Variants in TNFSF4 observed in about 807,000 individuals in gnomAD.
TNFSF4 encodes TNF superfamily member 4.
TNFSF4 carries 4 observed loss-of-function variants against 7.3 expected under a neutral mutation model. The ratio of observed to expected loss-of-function variants is 0.55; its 90% confidence interval spans 0.27 to 1.25. The LOEUF (loss-of-function observed/expected upper bound fraction) is 1.25, where lower values mean the gene tolerates loss of function less well. TNFSF4 is among the 50% of genes most tolerant of loss of function. The pLI is 0.12. For missense variants in TNFSF4, 181 were observed against 208.8 expected (o/e 0.87, Z 0.82); for synonymous variants, 76 against 83.7 (o/e 0.91, Z 0.50).
the TNFSF4 span, among the ~76,000 whole-genome samples, chr1:173,318,419 C>A: frequency 6.6e-6 from 1 of 152,140 alleles, no homozygotes; most frequent in Non-Finnish European, 1.5e-5. Flanking sequence ...TCCTTCCTCC[C>A]TGAACAATTC....
the TNFSF4 span, among the ~76,000 whole-genome samples, chr1:173,224,440 G>A: frequency 5.3e-5 from 8 of 152,228 alleles, no homozygotes; most frequent in South Asian, 1.5e-3. Context: ...TGTCTGAAAC[G>A]AAAACACTTA....
the TNFSF4 span, among the ~76,000 whole-genome samples, chr1:173,245,373 C>T: frequency 2.0e-5 from 3 of 152,094 alleles, no homozygotes; most frequent in Non-Finnish European, 4.4e-5. Context: ...TTCCAGGTTC[C>T]CTTGCTTTCG....
At chr1:173,284,453 C>A in the TNFSF4 span, among the ~76,000 whole-genome samples, 4 of 152,138 alleles carry the variant, frequency 2.6e-5, no homozygotes, top group Admixed American at 1.3e-4. Flanking sequence ...CTAGGTAAGA[C>A]AATTGATAAA....
At chr1:173,334,263 C>T in the TNFSF4 span, among the ~76,000 whole-genome samples, 1 of 152,012 alleles carries the variant, frequency 6.6e-6, no homozygotes, top group South Asian at 2.1e-4. Flanking sequence ...CATAATCTGG[C>T]AATAGGGAGA....
rs955553501 is a variant in TNFSF4, at chr1:173,184,873, C to T, written c.*1643G>A. 1.3e-5 allele frequency: 2 copies of T among 152,144 alleles called. No homozygotes were observed. The highest frequency in any genetic ancestry group is 4.8e-5 in the African/African-American group (2 of 41,402). The allele number at this position is 152,144 out of a possible 1,614,324, so 9.4% of individuals were successfully genotyped here. On this transcript the variant is annotated 3_prime_UTR_variant, in exon 3 of 3. Transcript: ENST00000281834. ...AGCCATGATTATGATTCTGTGAGTG[C>T]CTTGGCAGCCACTCAGAACTTGATT... is the stretch of plus-strand genomic sequence containing the variant.
At chr1:173,250,723 T>C in the TNFSF4 span, among the ~76,000 whole-genome samples, 2 of 151,978 alleles carry the variant, frequency 1.3e-5, no homozygotes, top group Non-Finnish European at 2.9e-5. Flanking sequence ...CCTCCCAAAG[T>C]GCTGGGATTA....
At chr1:173,234,392 C>A in the TNFSF4 span, among the ~76,000 whole-genome samples, 1 of 152,094 alleles carries the variant, frequency 6.6e-6, no homozygotes, top group East Asian at 1.9e-4. Context: ...CATTGTGATT[C>A]CTCAAGGATC....
chr1:173,261,512 C>A, the TNFSF4 span, among the ~76,000 whole-genome samples: 1 of 151,882 alleles, frequency 6.6e-6, no homozygotes, highest in African/African-American at 2.4e-5. Context: ...ACATGAAAAA[C>A]CCTTCAAAAA....
chr1:173,403,901 CAA>C, the TNFSF4 span, among the ~76,000 whole-genome samples: 141 of 140,752 alleles, frequency 1.0e-3, no homozygotes, highest in Admixed American at 1.2e-3. Context: ...GACTGTGTCT[CAA>C]AAAAAAAAAA....
chr1:173,229,249 C>A, the TNFSF4 span, among the ~76,000 whole-genome samples: 3 of 152,222 alleles, frequency 2.0e-5, no homozygotes, highest in African/African-American at 7.2e-5. Context: ...AGAAACAATA[C>A]AAGCCAGAAG....
the TNFSF4 span, among the ~76,000 whole-genome samples, chr1:173,232,268 T>C: frequency 2.0e-5 from 3 of 152,188 alleles, no homozygotes; most frequent in African/African-American, 7.2e-5. Flanking sequence ...GGCTCTCTGA[T>C]TGTCTGTTAT....
At chr1:173,363,421 C>A in the TNFSF4 span, 1 of 337,430 alleles carries the variant, frequency 3.0e-6, no homozygotes, top group South Asian at 3.2e-5. Context: ...CCATATCTCT[C>A]CATCCAGTAC....
chr1:173,218,932 C>T, the TNFSF4 span, among the ~76,000 whole-genome samples: 2 of 152,154 alleles, frequency 1.3e-5, no homozygotes, highest in African/African-American at 2.4e-5. Context: ...CCCACTCCCA[C>T]CAAAAGAACT....
At chr1:173,337,746 T>C in the TNFSF4 span, among the ~76,000 whole-genome samples, 11 of 152,204 alleles carry the variant, frequency 7.2e-5, no homozygotes, top group African/African-American at 2.7e-4. Flanking sequence ...TATATATGGA[T>C]TCATGGGTTG....
chr1:173,405,291 G>A, the TNFSF4 span, among the ~76,000 whole-genome samples: 1 of 152,124 alleles, frequency 6.6e-6, no homozygotes, highest in Non-Finnish European at 1.5e-5. Flanking sequence ...GGTGTAGCTG[G>A]GGTCCAGTAA....
At chr1:173,442,405 C>T in the TNFSF4 span, among the ~76,000 whole-genome samples, 3 of 152,108 alleles carry the variant, frequency 2.0e-5, no homozygotes, top group African/African-American at 7.2e-5. Context: ...AAATGCAACA[C>T]CTCTCCCACA....
At chr1:173,419,862 T>C in the TNFSF4 span, among the ~76,000 whole-genome samples, 1 of 152,212 alleles carries the variant, frequency 6.6e-6, no homozygotes, top group Non-Finnish European at 1.5e-5. Flanking sequence ...ACTGATAACT[T>C]TACCCTGGAC....
At chr1:173,238,879 G>GC in the TNFSF4 span, among the ~76,000 whole-genome samples, 2 of 151,904 alleles carry the variant, frequency 1.3e-5, no homozygotes, top group Non-Finnish European at 2.9e-5. Context: ...AGTTTTAGAG[G>GC]CCAAAAAAAG....
At chr1:173,440,349 A>G in the TNFSF4 span, 1 of 152,172 alleles carries the variant, frequency 6.6e-6, no homozygotes, top group Non-Finnish European at 1.5e-5. Context: ...GACAGTATGT[A>G]TTAATTTCTA....
Sources: gnomAD v4.1 joint callset for allele counts (sites outside exome capture counted in the v4.1 genomes callset) on GRCh38, gnomAD v4.1.1 for gene constraint, MANE v1.5 for transcripts, NCBI Gene and HGNC (gene_info 2026-07-23, HGNC 2026-07-21) for gene names.